Variants in TEX2 observed in about 807,000 individuals in gnomAD.
The protein encoded by TEX2 is testis-expressed protein 2.
A neutral mutation model predicts 106.9 loss-of-function variants in TEX2; 53 were observed. That is an observed-to-expected ratio of 0.50 (90% CI 0.40 to 0.62). The LOEUF (loss-of-function observed/expected upper bound fraction) is 0.62, where lower values mean the gene tolerates loss of function less well. Among genes scored for constraint, TEX2 ranks in the 20% least tolerant of loss-of-function variants. The pLI is 0.00. For missense variants in TEX2, 1,207 were observed against 1,379.0 expected (o/e 0.88, Z 1.98); for synonymous variants, 523 against 534.8 (o/e 0.98, Z 0.30).
intron 5 of TEX2, among the ~76,000 whole-genome samples, chr17:64,183,611 A>G (rs1215184499): frequency 1.3e-5 from 2 of 152,098 alleles, no homozygotes; most frequent in Admixed American, 1.3e-4. Context: ...TATTTTTAAT[A>G]GAGATGGGAT....
At position 64,147,766 on chromosome 17, in the gene TEX2, G is replaced by T. The variant is rs1311310729; in HGVS notation, c.*1203C>A. 4.6e-5 allele frequency: 7 copies of T among 152,578 alleles called. No individual in the cohort carries two copies. In the East Asian group the frequency reaches 1.3e-3, roughly 29 times the overall value. The allele number at this position is 152,578 out of a possible 1,614,324, so 9.5% of individuals were successfully genotyped here. A position where few individuals can be genotyped will look rare whatever the true frequency, so the allele number is the denominator to read the frequency against. On this transcript the variant is annotated 3_prime_UTR_variant, in exon 12 of 12. Coordinates refer to ENST00000584379, the MANE Select transcript of TEX2 (RefSeq NM_001288732.2). ...AATATATTAATTTCTTTAAAGTCATGTTCAGGCAAGGTGCTGTTTAAAAAA... is the reference window on the plus strand; with the variant it reads ...AATATATTAATTTCTTTAAAGTCATTTTCAGGCAAGGTGCTGTTTAAAAAA...
At chr17:64,232,444 T>G (rs1182568884) in intron 1 of TEX2, among the ~76,000 whole-genome samples, 2 of 152,232 alleles carry the variant, frequency 1.3e-5, no homozygotes, top group Admixed American at 1.3e-4. Context: ...TGATCCAAAT[T>G]TTAATCAACA....
At position 64,213,527 on chromosome 17, in the gene TEX2, C is replaced by A; in HGVS notation, c.691G>T (p.Asp231Tyr). The A allele has an allele frequency of 6.2e-7, 1 of 1,614,112 alleles. No homozygotes were observed. The highest frequency in any genetic ancestry group is 8.5e-7 in the Non-Finnish European group (1 of 1,180,004). The change falls in exon 2 of 12, where the codon GAT (aspartate) becomes TAT (tyrosine). Residue 231 changes from aspartate to tyrosine, a missense_variant. Transcript: ENST00000584379. This position sits in a 1 kb window ranked among gnomAD's most constrained non-coding sequence, Gnocchi z 4.4. ...TCAGGTGGCTTATAGGACACTGTAT[C>A]CGACTCCTGCCGGGAAGTGTCCGTG... Reference protein sequence around the residue: ...LSTDTSRQESDTVSYKPPDSK... With the variant: ...LSTDTSRQESYTVSYKPPDSK...
At chr17:64,215,527 G>A (rs1233967408) in intron 1 of TEX2, among the ~76,000 whole-genome samples, 20 of 152,158 alleles carry the variant, frequency 1.3e-4, no homozygotes, top group African/African-American at 4.8e-4. Flanking sequence ...AAGGGGCATC[G>A]TGGGGCAGTG....
chr17:64,152,533 A>G (rs572176545), intron 10 of TEX2, among the ~76,000 whole-genome samples: 26 of 152,170 alleles, frequency 1.7e-4, no homozygotes, highest in Non-Finnish European at 3.7e-4. Context: ...AGGGATAACA[A>G]TGGCATCTAC....
In TEX2 at chr17:64,244,092, C is replaced by T. The variant is rs116564555; in HGVS notation, c.-26+19076G>A. ...AAAGTGCTGGGATTACAAGTGTGAA[C>T]CACCGCGCCCAGCCAAAACACTACT... On this transcript the variant is annotated intron_variant, in intron 1 of 11. Coordinates refer to ENST00000584379, the MANE Select transcript of TEX2 (RefSeq NM_001288732.2). 1.3e-3 allele frequency among the ~76,000 whole-genome samples: 199 copies of T among 152,248 alleles called. 2 individuals carry two copies. The highest frequency in any genetic ancestry group is 4.5e-3 in the African/African-American group (189 of 41,550).
intron 2 of TEX2, among the ~76,000 whole-genome samples, chr17:64,208,000 C>T (rs927091894): frequency 6.6e-6 from 1 of 152,204 alleles, no homozygotes; most frequent in African/African-American, 2.4e-5. Context: ...TCCCAAAGTG[C>T]TGGGATTACA....
chr17:64,178,871 T>C (rs764189907), intron 5 of TEX2, among the ~76,000 whole-genome samples: 5 of 152,272 alleles, frequency 3.3e-5, no homozygotes, highest in Admixed American at 6.5e-5. Flanking sequence ...TGTGCCCACA[T>C]TGAAGCTGTG....
In TEX2 at chr17:64,177,445, C is replaced by T; in HGVS notation, c.2451G>A (p.Glu817=). 3.7e-6 allele frequency: 6 copies of T among 1,614,126 alleles called. No homozygotes were observed. Among genetic ancestry groups the T allele is most frequent in the Non-Finnish European group, 5.1e-6 (6 of 1,180,002 alleles). The change falls in exon 6 of 12, where the codon GAG becomes GAA. Residue 817 remains glutamate, a synonymous_variant. Coordinates refer to ENST00000584379, the MANE Select transcript of TEX2 (RefSeq NM_001288732.2). ...CATTCACCCAGGCTTCCTGTTCTTC[C>T]TCCTCAGAGGGTGGAACCTCTGGCA... ...KKLPEVPPSE[E]EEQEAWVNAL...
chr17:64,213,810 T>C lies in TEX2; in HGVS notation c.408A>G (p.Pro136=). Reference sequence around the variant, plus strand: ...CTAAGGGCCCCGACGAAGACGACCCTGGGGACACAGCCAATGGCACTGTAC... The same window carrying C: ...CTAAGGGCCCCGACGAAGACGACCCCGGGGACACAGCCAATGGCACTGTAC... The part of the protein sequence containing the change: ...VLSTVPLAVS[P]GSSSSGPLAS... The change falls in exon 2 of 12, where the codon CCA becomes CCG. Residue 136 remains proline (P), a synonymous_variant. Transcript: ENST00000584379. The surrounding 1 kb of genome is among the most constrained non-coding windows in gnomAD (Gnocchi z 4.4). 1 of 1,614,134 alleles carries C rather than the reference T, an allele frequency of 6.2e-7. No homozygotes were observed. The highest frequency in any genetic ancestry group is 1.1e-5 in the South Asian group (1 of 91,082).
At chr17:64,203,437 C>G (rs1555630358) in intron 2 of TEX2, among the ~76,000 whole-genome samples, 1 of 152,222 alleles carries the variant, frequency 6.6e-6, no homozygotes, top group East Asian at 1.9e-4. Flanking sequence ...GGTAATTACT[C>G]TCTGTCTCCA....
intron 1 of TEX2, among the ~76,000 whole-genome samples, chr17:64,249,447 T>C (rs987584900): frequency 5.3e-5 from 8 of 152,162 alleles, no homozygotes; most frequent in African/African-American, 1.9e-4. Flanking sequence ...TTGCAGACCA[T>C]AAGAAAGCTA....
intron 11 of TEX2, chr17:64,149,937 A>AAAAAAAAAAAG (rs1555623303): frequency 1.4e-5 from 2 of 146,980 alleles, no homozygotes; most frequent in Admixed American, 6.8e-5. Flanking sequence ...AAAAAAAAAA[A>AAAAAAAAAAAG]GAAAGAAAAA....
At chr17:64,165,848 G>A (rs2031107818) in intron 7 of TEX2, among the ~76,000 whole-genome samples, 1 of 152,190 alleles carries the variant, frequency 6.6e-6, no homozygotes, top group Non-Finnish European at 1.5e-5. Flanking sequence ...ATTTCTGTGG[G>A]ACATGGTAAT....
chr17:64,247,935 T>C (rs9889389), intron 1 of TEX2, among the ~76,000 whole-genome samples: 82,755 of 152,012 alleles, frequency 0.54, 24,238 homozygotes, highest in East Asian at 0.83. Flanking sequence ...CTCTTTTGAA[T>C]AGGAGGAGTA....
At chr17:64,254,373 G>C (rs782731146) in intron 1 of TEX2, among the ~76,000 whole-genome samples, 8 of 152,192 alleles carry the variant, frequency 5.3e-5, no homozygotes, top group Non-Finnish European at 5.9e-5. Context: ...ATTAGTTTGT[G>C]CTGGGCTCTA....
At chr17:64,184,075 T>C (rs1567924499) in intron 5 of TEX2, among the ~76,000 whole-genome samples, 1 of 152,228 alleles carries the variant, frequency 6.6e-6, no homozygotes, top group East Asian at 1.9e-4. Context: ...TGTATCTTCT[T>C]TGGAGAAATG....
chr17:64,233,605 T>C (rs2033704502), intron 1 of TEX2, among the ~76,000 whole-genome samples: 1 of 151,946 alleles, frequency 6.6e-6, no homozygotes, highest in Non-Finnish European at 1.5e-5. Flanking sequence ...AACACATGCA[T>C]ACCCAGAAAG....
chr17:64,202,226 CT>C (rs1488305952), intron 2 of TEX2, among the ~76,000 whole-genome samples: 5 of 152,176 alleles, frequency 3.3e-5, no homozygotes, highest in Non-Finnish European at 7.4e-5. Flanking sequence ...TTCCTGCCCC[CT>C]ATCTAAGGCT....
Sources: gnomAD v4.1 joint callset for allele counts (sites outside exome capture counted in the v4.1 genomes callset) on GRCh38, gnomAD v4.1.1 for gene constraint, Gnocchi (gnomAD v3.1) non-coding constraint, MANE v1.5 for transcripts, NCBI Gene and HGNC (gene_info 2026-07-23, HGNC 2026-07-21) for gene names.